Variants in NRG3 observed in about 807,000 individuals in gnomAD.
NRG3 encodes the protein pro-neuregulin-3, membrane-bound isoform.
A neutral mutation model predicts 66.9 loss-of-function variants in NRG3; 31 were observed. That is an observed-to-expected ratio of 0.46 (90% CI 0.35 to 0.63). The LOEUF (loss-of-function observed/expected upper bound fraction) is 0.63, where lower values mean the gene tolerates loss of function less well. Ranked by LOEUF, NRG3 falls within the 20% of genes least tolerant of loss-of-function variation. The probability of loss-of-function intolerance (pLI) is 0.00; values close to 1 mark genes in which losing one functional copy is unlikely to be tolerated. For synonymous variants in NRG3, 393 were observed against 359.4 expected, an observed-to-expected ratio of 1.09 and a Z score of -1.06; for missense variants, 910 against 878.9, an observed-to-expected ratio of 1.04 and a Z score of -0.45.
At chr10:82,920,862 G>A (rs888381767) in intron 4 of NRG3, among the ~76,000 whole-genome samples, 1 of 152,076 alleles carries the variant, frequency 6.6e-6, no homozygotes, top group Non-Finnish European at 1.5e-5. Flanking sequence ...AAATCCATGT[G>A]CATATGTTGG....
intron 2 of NRG3, among the ~76,000 whole-genome samples, chr10:82,453,086 T>C (rs2136607425): frequency 6.6e-6 from 1 of 152,316 alleles, no homozygotes; most frequent in Admixed American, 6.5e-5. Context: ...GAAGACTTTC[T>C]GAGCCTGTTT....
intron 2 of NRG3, among the ~76,000 whole-genome samples, chr10:82,626,666 G>C (rs1338045348): frequency 2.6e-5 from 4 of 152,176 alleles, no homozygotes; most frequent in African/African-American, 9.6e-5. Context: ...TTTCCATTGA[G>C]TGTTTGGGAC....
Position 82,807,749 on chromosome 10 carries a change from C to T in NRG3, c.1028-57662C>T, listed in dbSNP as rs144973302. Reference sequence around the variant, plus strand: ...GAGAAATACTGATTTATACATCATGCCTCCAAAGCAAGCTTCTTTTTCCCT... The same window carrying T: ...GAGAAATACTGATTTATACATCATGTCTCCAAAGCAAGCTTCTTTTTCCCT... On this transcript the variant is annotated intron_variant, in intron 3 of 8. Transcript: ENST00000372141. 7.9e-5 allele frequency among the ~76,000 whole-genome samples: 12 copies of T among 152,248 alleles called. No homozygotes were observed. In the East Asian group the frequency reaches 2.3e-3, roughly 29 times the overall value.
intron 1 of NRG3, among the ~76,000 whole-genome samples, chr10:82,051,779 T>G (rs774528847): frequency 6.6e-6 from 1 of 152,130 alleles, no homozygotes; most frequent in Non-Finnish European, 1.5e-5. Context: ...AAATCTAAAT[T>G]ATCTCCACCA....
chr10:82,822,621 C>A (rs184952752), intron 3 of NRG3, among the ~76,000 whole-genome samples: 1 of 152,232 alleles, frequency 6.6e-6, no homozygotes, highest in East Asian at 1.9e-4. Context: ...ATGGGAGGCA[C>A]ACACTCTGGT....
At chr10:82,371,216 G>A (rs1412212524) in intron 2 of NRG3, among the ~76,000 whole-genome samples, 2 of 152,008 alleles carry the variant, frequency 1.3e-5, no homozygotes, top group Non-Finnish European at 2.9e-5. Flanking sequence ...GGTAAACTGA[G>A]GGAAAATATC....
intron 2 of NRG3, among the ~76,000 whole-genome samples, chr10:82,574,307 C>T (rs1264523848): frequency 6.6e-6 from 1 of 151,676 alleles, no homozygotes; most frequent in East Asian, 2.0e-4. Flanking sequence ...ATACCACATG[C>T]TCTCTCTTAT....
At chr10:82,083,598 T>A (rs2065524069) in intron 1 of NRG3, among the ~76,000 whole-genome samples, 1 of 137,182 alleles carries the variant, frequency 7.3e-6, no homozygotes. Context: ...TTTGTTAATT[T>A]TTTTTTTTTT....
At chr10:82,201,183 T>G in intron 1 of NRG3, among the ~76,000 whole-genome samples, 1 of 113,192 alleles carries the variant, frequency 8.8e-6, no homozygotes, top group African/African-American at 3.6e-5. Flanking sequence ...GGTGACAGAG[T>G]GAGACTCTGT....
At chr10:82,669,118 G>GATTCTAC (rs2053041309) in intron 2 of NRG3, among the ~76,000 whole-genome samples, 1 of 152,036 alleles carries the variant, frequency 6.6e-6, no homozygotes, top group Admixed American at 6.6e-5. Flanking sequence ...GATGTGTATT[G>GATTCTAC]TTTGATCCAA....
intron 1 of NRG3, among the ~76,000 whole-genome samples, chr10:81,996,008 T>A (rs2060926856): frequency 6.6e-6 from 1 of 152,196 alleles, no homozygotes; most frequent in Admixed American, 6.6e-5. Flanking sequence ...CTCTGGAATT[T>A]TTTTTTCTTT....
intron 1 of NRG3, among the ~76,000 whole-genome samples, chr10:82,020,938 C>T (rs1445785036): frequency 6.6e-6 from 1 of 152,034 alleles, no homozygotes; most frequent in Non-Finnish European, 1.5e-5. Flanking sequence ...TTTCTGAAGG[C>T]AGTGTTCCCA....
At chr10:82,114,230 T>G (rs185535899) in intron 1 of NRG3, among the ~76,000 whole-genome samples, 1 of 152,158 alleles carries the variant, frequency 6.6e-6, no homozygotes, top group Non-Finnish European at 1.5e-5. Context: ...AGGTGATGCA[T>G]ATTTGAGTTG....
Position 82,708,516 on chromosome 10 carries a change from A to G in NRG3, c.954-30061A>G, listed in dbSNP as rs1591260375. Among the ~76,000 whole-genome samples the G allele has an allele frequency of 4.6e-5, 7 of 152,206 alleles. No individual in the cohort carries two copies. In the South Asian group the frequency reaches 1.5e-3, roughly 32 times the overall value. On this transcript the variant is annotated intron_variant, in intron 2 of 8. Transcript: ENST00000372141. ...GTCTGTGGCTCCCTTCTTTGTGTCC[A>G]TGTGTATTCAATGTTTCACTCCCGG...
At chr10:82,415,816 G>T (rs2088516102) in intron 2 of NRG3, among the ~76,000 whole-genome samples, 1 of 152,110 alleles carries the variant, frequency 6.6e-6, no homozygotes, top group African/African-American at 2.4e-5. Flanking sequence ...ATAACAAAAT[G>T]ATGCTATATT....
At chr10:82,214,844 A>G (rs955495653) in intron 1 of NRG3, among the ~76,000 whole-genome samples, 1 of 152,130 alleles carries the variant, frequency 6.6e-6, no homozygotes, top group Non-Finnish European at 1.5e-5. Context: ...ACTTCTTCAC[A>G]AGTTTCCTCA....
chr10:82,879,841 A>G (rs1382767152), intron 4 of NRG3, among the ~76,000 whole-genome samples: 2 of 152,118 alleles, frequency 1.3e-5, no homozygotes, highest in Non-Finnish European at 2.9e-5. Context: ...AAAGGTGTTA[A>G]ATATTAATGT....
At chr10:82,590,928 G>A (rs1404630103) in intron 2 of NRG3, among the ~76,000 whole-genome samples, 2 of 152,126 alleles carry the variant, frequency 1.3e-5, no homozygotes, top group African/African-American at 4.8e-5. Flanking sequence ...TAAATTCAGG[G>A]CTACAGACCA....
Position 82,327,960 on chromosome 10 carries a change from A to G in NRG3, c.824-30779A>G, listed in dbSNP as rs187885812. ...TCTTCCTCTTAAAAACACCAGACCT[A>G]TCATATAAGGGACCTCTTCTTAGGA... is the stretch of plus-strand genomic sequence containing the variant. On this transcript the variant is annotated intron_variant, in intron 1 of 8. Transcript: ENST00000372141. Among the ~76,000 whole-genome samples, 30 of 152,214 alleles carry G rather than the reference A, an allele frequency of 2.0e-4. No individual in the cohort carries two copies. In the East Asian group the frequency reaches 5.4e-3, roughly 27 times the overall value.
Sources: gnomAD v4.1 joint callset for allele counts (sites outside exome capture counted in the v4.1 genomes callset) on GRCh38, gnomAD v4.1.1 for gene constraint, MANE v1.5 for transcripts, NCBI Gene and HGNC (gene_info 2026-07-23, HGNC 2026-07-21) for gene names.